The following IQSEC1 variants were observed in gnomAD, a reference collection of about 807,000 sequenced individuals.
IQSEC1 encodes IQ motif and Sec7 domain ArfGEF 1.
In IQSEC1, 31 loss-of-function variants were observed where a neutral mutation model predicts 91.0. That is an observed-to-expected ratio of 0.34 (90% CI 0.26 to 0.46). The LOEUF (loss-of-function observed/expected upper bound fraction) is 0.46. Among genes scored for constraint, IQSEC1 ranks in the 20% least tolerant of loss-of-function variants. The pLI is 1.00. For synonymous variants in IQSEC1, 699 were observed against 662.6 expected (o/e 1.05, Z -0.84); for missense variants, 1,388 against 1,575.6 (o/e 0.88, Z 2.02).
Position 12,898,999 on chromosome 3 carries a change from C to T in IQSEC1, c.*1984G>A, listed in dbSNP as rs975006718. 1.7e-5 allele frequency: 4 copies of T among 231,764 alleles called. No individual in the cohort carries two copies. The Admixed American group carries it at 2.1e-4, about 12-fold the overall frequency. 14.4% of individuals were successfully genotyped at this position (231,764 alleles called of 1,614,324 possible). A position where few individuals can be genotyped will look rare whatever the true frequency, so the allele number is the denominator to read the frequency against. ...CATGCTGTTTCTTTCTGAGCAGACA[C>T]CAAAGAAATGCCACGCCAATGGGAG... On this transcript the variant is annotated 3_prime_UTR_variant, in exon 14 of 14. Coordinates refer to ENST00000613206, the MANE Select transcript of IQSEC1 (RefSeq NM_001134382.3).
At position 12,924,688 on chromosome 3, in the gene IQSEC1, C is replaced by T. The variant is rs567729470; in HGVS notation, c.1623G>A (p.Thr541=). Residue 541 remains threonine (T), a synonymous_variant, in exon 4 of 14, where the codon ACG becomes ACA. Transcript: ENST00000613206. The surrounding 1 kb of genome is among the most constrained non-coding windows in gnomAD (Gnocchi z 6.3). ...YLIERGFVPD[T]PVGVAHFLLQ... is the part of the protein sequence containing the mutation. Reference sequence around the variant, plus strand: ...GCAGGAAGTGGGCCACCCCGACGGGCGTGTCGGGCACAAAGCCACGCTCGA... The same window carrying T: ...GCAGGAAGTGGGCCACCCCGACGGGTGTGTCGGGCACAAAGCCACGCTCGA... The T allele has an allele frequency of 2.0e-5, 32 of 1,608,510 alleles. No individual in the cohort carries two copies. In the East Asian group the frequency reaches 2.2e-4, roughly 11 times the overall value.
intron 1 of IQSEC1, among the ~76,000 whole-genome samples, chr3:12,971,774 C>T (rs1700909968): frequency 6.6e-6 from 1 of 152,064 alleles, no homozygotes; most frequent in Non-Finnish European, 1.5e-5. Context: ...TTTTTAAAAA[C>T]CCAGTTATGG....
intron 1 of IQSEC1, among the ~76,000 whole-genome samples, chr3:13,033,564 G>A (rs896055363): frequency 6.6e-6 from 1 of 151,966 alleles, no homozygotes; most frequent in African/African-American, 2.4e-5. Flanking sequence ...GAATTGGCTC[G>A]TATGATTACA....
At chr3:12,950,445 C>G (rs79381181) in intron 1 of IQSEC1, among the ~76,000 whole-genome samples, 5 of 152,286 alleles carry the variant, frequency 3.3e-5, no homozygotes, top group Non-Finnish European at 7.4e-5. Context: ...AGGTGGGACA[C>G]TGCTTGAGGC....
chr3:12,973,145 C>G (rs74594766), intron 1 of IQSEC1, among the ~76,000 whole-genome samples: 3,925 of 152,240 alleles, frequency 0.026, 67 homozygotes, highest in Non-Finnish European at 0.04. Context: ...GGCTTCTGGC[C>G]CGGGTTTCCT....
intron 1 of IQSEC1, among the ~76,000 whole-genome samples, chr3:12,942,421 C>T (rs762987731): frequency 2.0e-5 from 3 of 150,960 alleles, no homozygotes; most frequent in South Asian, 2.1e-4. Context: ...GCTAACACGG[C>T]GAAACCCTGT....
At position 13,086,705 on chromosome 3, in the gene IQSEC1, C is replaced by A. The variant is rs375870485; in HGVS notation, c.303-39183G>T. On this transcript the variant is annotated intron_variant, in intron 2 of 15. Coordinates refer to the IQSEC1 transcript ENST00000648114. Reference sequence around the variant, plus strand: ...GGCCTTTGCATCTGCTGTTCCCTCCCTCAGCTCTCTGCACAGCTCTCTCTT... The same window carrying A: ...GGCCTTTGCATCTGCTGTTCCCTCCATCAGCTCTCTGCACAGCTCTCTCTT... Among the ~76,000 whole-genome samples, 59 of 152,322 alleles carry A rather than the reference C, an allele frequency of 3.9e-4. 1 individual carries two copies. The South Asian group carries it at 9.7e-3, about 25-fold the overall frequency.
chr3:12,954,618 C>T (rs530864872), intron 1 of IQSEC1, among the ~76,000 whole-genome samples: 10 of 152,348 alleles, frequency 6.6e-5, no homozygotes, highest in Admixed American at 5.2e-4. Context: ...ATATCTGACT[C>T]CATCTTTTAT....
At chr3:12,938,416 G>C (rs1325044282) in intron 2 of IQSEC1, among the ~76,000 whole-genome samples, 2 of 152,198 alleles carry the variant, frequency 1.3e-5, no homozygotes, top group African/African-American at 4.8e-5. Flanking sequence ...GCATGCCCAT[G>C]CGTGCTGCCT....
Position 12,900,230 on chromosome 3 carries a change from AG to A in IQSEC1, c.*752del. 2 of 983,808 alleles carry A rather than the reference AG, an allele frequency of 2.0e-6. No homozygotes were observed. Among genetic ancestry groups the A allele is most frequent in the Non-Finnish European group, 2.4e-6 (2 of 828,444 alleles). 60.9% of individuals were successfully genotyped at this position (983,808 alleles called of 1,614,324 possible). ...AGATGCTATGTTACTTGGCACAGTTAGTAATGATTGTGTAAAGATTTTAGCC... is the reference window on the plus strand; with the variant it reads ...AGATGCTATGTTACTTGGCACAGTTATAATGATTGTGTAAAGATTTTAGCC... On this transcript the variant is annotated 3_prime_UTR_variant, in exon 14 of 14. Coordinates refer to ENST00000613206, the MANE Select transcript of IQSEC1 (RefSeq NM_001134382.3).
At chr3:13,016,343 C>T (rs1033808814) in intron 1 of IQSEC1, among the ~76,000 whole-genome samples, 1 of 152,230 alleles carries the variant, frequency 6.6e-6, no homozygotes. Context: ...TGTCATCTCT[C>T]ATCTAAACAG....
chr3:13,089,627 C>T (rs760481869), intron 2 of IQSEC1, among the ~76,000 whole-genome samples: 44 of 152,146 alleles, frequency 2.9e-4, no homozygotes, highest in Non-Finnish European at 5.7e-4. Context: ...ATATATGTGG[C>T]AACATGGATA....
chr3:13,157,827 T>A lies in IQSEC1; in HGVS notation c.302+6277A>T, dbSNP rs368491498. On this transcript the variant is annotated intron_variant, in intron 2 of 15. Coordinates refer to the IQSEC1 transcript ENST00000648114. The stretch of plus-strand genomic sequence containing the variant: ...TGGATGTTAACTGAATGCTATGACA[T>A]GGCATGTGCTGTTCCATCTATGCCT... 6.6e-5 allele frequency among the ~76,000 whole-genome samples: 10 copies of A among 152,356 alleles called. 1 individual carries two copies. The South Asian group carries it at 1.2e-3, about 19-fold the overall frequency.
chr3:13,198,363 C>G (rs1694173593), intron 1 of IQSEC1, among the ~76,000 whole-genome samples: 1 of 152,048 alleles, frequency 6.6e-6, no homozygotes, highest in African/African-American at 2.4e-5. Context: ...GGGCTGTCCC[C>G]CTGGAGGTTC....
intron 1 of IQSEC1, among the ~76,000 whole-genome samples, chr3:13,278,279 T>C (rs1695728538): frequency 6.6e-6 from 1 of 151,960 alleles, no homozygotes; most frequent in Non-Finnish European, 1.5e-5. Flanking sequence ...CCTTAGGCGA[T>C]GTTTCCTTTT....
At chr3:13,053,040 C>T (rs1285792846) in intron 1 of IQSEC1, 13 of 1,125,854 alleles carry the variant, frequency 1.2e-5, no homozygotes, top group South Asian at 2.5e-5. Flanking sequence ...AGTTTTCATC[C>T]GAATCCACGG....
intron 2 of IQSEC1, among the ~76,000 whole-genome samples, chr3:13,094,109 A>AAGAG (rs1305623515): frequency 6.6e-6 from 1 of 152,024 alleles, no homozygotes; most frequent in Non-Finnish European, 1.5e-5. Flanking sequence ...CTGAGGGATG[A>AAGAG]AGAGAGAGAG....
intron 2 of IQSEC1, among the ~76,000 whole-genome samples, chr3:13,149,981 C>T (rs745463114): frequency 3.9e-5 from 6 of 152,244 alleles, no homozygotes; most frequent in African/African-American, 7.2e-5. Flanking sequence ...CCTAGGCTCC[C>T]GGGAACGGTC....
intron 3 of IQSEC1, among the ~76,000 whole-genome samples, chr3:12,928,849 G>C (rs1458707434): frequency 6.6e-6 from 1 of 152,146 alleles, no homozygotes; most frequent in African/African-American, 2.4e-5. Context: ...TTCAGCCACT[G>C]AACTGTGAGC....
Sources: allele counts gnomAD v4.1 joint callset (sites outside exome capture counted in the v4.1 genomes callset), GRCh38; gene constraint gnomAD v4.1.1; non-coding constraint Gnocchi (gnomAD v3.1); transcripts MANE v1.5; gene names NCBI Gene and HGNC (gene_info 2026-07-23, HGNC 2026-07-21).